Variants in SLC44A5 observed in about 807,000 individuals in gnomAD.
SLC44A5 encodes the protein choline transporter-like protein 5.
In SLC44A5, 57 loss-of-function variants were observed where a neutral mutation model predicts 101.8. The ratio of observed to expected loss-of-function variants is 0.56; its 90% CI spans 0.45 to 0.70. The LOEUF is 0.70. SLC44A5 is among the 30% of genes least tolerant of loss of function. The pLI, the probability that SLC44A5 is intolerant of heterozygous loss-of-function variation, is 0.00. For missense variants in SLC44A5, 737 were observed against 853.1 expected (o/e 0.86, Z 1.70); for synonymous variants, 281 against 290.9 (o/e 0.97, Z 0.35).
At chr1:75,219,148 A>G in intron 16 of SLC44A5, 109 bp downstream of exon 16, 1 of 778,778 alleles carries the variant, frequency 1.3e-6, no homozygotes, top group East Asian at 2.6e-5. Context: ...AGTTGTCCCC[A>G]TCAGTGTATA....
At chr1:75,520,730 A>G (rs998702559) in intron 2 of SLC44A5, among the ~76,000 whole-genome samples, 1 of 152,238 alleles carries the variant, frequency 6.6e-6, no homozygotes, top group Admixed American at 6.5e-5. Flanking sequence ...AAGTTAAAAT[A>G]GCATCATGAT....
chr1:75,598,229 A>G (rs908556997), intron 1 of SLC44A5, among the ~76,000 whole-genome samples: 1 of 151,984 alleles, frequency 6.6e-6, no homozygotes, highest in Admixed American at 6.6e-5. Context: ...TAAAAACTAC[A>G]ATCTCACACC....
At chr1:75,513,209 C>G in intron 2 of SLC44A5, among the ~76,000 whole-genome samples, 2 of 152,304 alleles carry the variant, frequency 1.3e-5, no homozygotes, top group South Asian at 4.2e-4. Context: ...CTTATACAGA[C>G]AGCCAACATT....
chr1:75,488,526 A>C (rs1668272973), intron 2 of SLC44A5, among the ~76,000 whole-genome samples: 1 of 152,196 alleles, frequency 6.6e-6, no homozygotes, highest in Non-Finnish European at 1.5e-5. Flanking sequence ...AAAATTAACA[A>C]AGTACTGAGT....
intron 3 of SLC44A5, among the ~76,000 whole-genome samples, chr1:75,387,248 G>A (rs1661426096): frequency 6.6e-6 from 1 of 151,890 alleles, no homozygotes; most frequent in South Asian, 2.1e-4. Context: ...CGCAGCAAAA[G>A]AAACTACCAT....
the SLC44A5 span, among the ~76,000 whole-genome samples, chr1:75,625,767 A>G: frequency 6.6e-6 from 1 of 152,044 alleles, no homozygotes; most frequent in Non-Finnish European, 1.5e-5. Context: ...TACCATCCTA[A>G]ATCTTCACCA....
chr1:75,409,738 A>G (rs946894006), intron 2 of SLC44A5, among the ~76,000 whole-genome samples: 1 of 152,128 alleles, frequency 6.6e-6, no homozygotes, highest in Non-Finnish European at 1.5e-5. Context: ...AATATACCCA[A>G]TGGTATCACT....
chr1:75,620,751 T>C, the SLC44A5 span, among the ~76,000 whole-genome samples: 44,671 of 152,102 alleles, frequency 0.29, 7,532 homozygotes, highest in East Asian at 0.82. Context: ...GATGGATAGA[T>C]AGCAAAAATT....
chr1:75,342,355 G>A lies in SLC44A5; in HGVS notation c.53-2725C>T, dbSNP rs936717096. ...CTTCTCTGAGCACTGCAATGCAATA[G>A]CCCTAGTGTATTTATTATGTCATTT... is the stretch of plus-strand genomic sequence containing the variant. On this transcript the variant is annotated intron_variant, in intron 3 of 23. Transcript: ENST00000370859. Among the ~76,000 whole-genome samples, 8 of 152,144 alleles carry A rather than the reference G, an allele frequency of 5.3e-5. No individual in the cohort carries two copies. In the South Asian group the frequency reaches 1.7e-3, roughly 31 times the overall value.
intron 12 of SLC44A5, among the ~76,000 whole-genome samples, chr1:75,228,324 TA>T (rs1647277111): frequency 6.6e-6 from 1 of 152,296 alleles, no homozygotes; most frequent in Non-Finnish European, 1.5e-5. Context: ...TTTTTATCCA[TA>T]ACATTGTCAT....
At chr1:75,212,795 G>A (rs76903426) in intron 22 of SLC44A5, among the ~76,000 whole-genome samples, 2 of 151,996 alleles carry the variant, frequency 1.3e-5, no homozygotes, top group Non-Finnish European at 2.9e-5. Context: ...AGAGGCAAAT[G>A]TGAGTAATGC....
chr1:75,679,779 A>T, the SLC44A5 span, among the ~76,000 whole-genome samples: 2 of 152,192 alleles, frequency 1.3e-5, no homozygotes, highest in East Asian at 1.9e-4. Context: ...CTTTAAATGT[A>T]AATGGACTAA....
chr1:75,616,276 C>A, the SLC44A5 span, among the ~76,000 whole-genome samples: 3 of 151,972 alleles, frequency 2.0e-5, no homozygotes, highest in African/African-American at 7.2e-5. Flanking sequence ...CCCGTCTGAG[C>A]CGCCAGCCCC....
intron 1 of SLC44A5, among the ~76,000 whole-genome samples, chr1:75,547,320 CA>C (rs1051886358): frequency 6.6e-6 from 1 of 152,154 alleles, no homozygotes; most frequent in African/African-American, 2.4e-5. Flanking sequence ...TATAGATGAG[CA>C]AACTTTCCAC....
At chr1:75,373,871 CA>C (rs1660392505) in intron 3 of SLC44A5, among the ~76,000 whole-genome samples, 1 of 152,142 alleles carries the variant, frequency 6.6e-6, no homozygotes, top group African/African-American at 2.4e-5. Flanking sequence ...CCCCAGGATT[CA>C]AGCACACTAC....
chr1:75,419,020 G>A (rs919984149), intron 2 of SLC44A5, among the ~76,000 whole-genome samples: 2 of 152,118 alleles, frequency 1.3e-5, no homozygotes, highest in Non-Finnish European at 2.9e-5. Flanking sequence ...AAGGCTCAGA[G>A]AAGGGAACCA....
intron 2 of SLC44A5, among the ~76,000 whole-genome samples, chr1:75,496,025 T>A (rs767051588): frequency 3.9e-5 from 6 of 152,206 alleles, no homozygotes; most frequent in Admixed American, 2.0e-4. Flanking sequence ...TGTTGTGTGA[T>A]CAAATACTAG....
intron 2 of SLC44A5, among the ~76,000 whole-genome samples, chr1:75,470,166 C>G (rs1444015176): frequency 6.6e-6 from 1 of 152,104 alleles, no homozygotes; most frequent in Non-Finnish European, 1.5e-5. Context: ...AGCTTTCAAA[C>G]CAATCAATCC....
At chr1:75,649,156 G>A in the SLC44A5 span, among the ~76,000 whole-genome samples, 32 of 152,070 alleles carry the variant, frequency 2.1e-4, no homozygotes, top group South Asian at 4.1e-4. Context: ...GTTGATTAAC[G>A]ACACAAAGGG....
Sources: gnomAD v4.1 joint callset for allele counts (sites outside exome capture counted in the v4.1 genomes callset) on GRCh38, gnomAD v4.1.1 for gene constraint, MANE v1.5 for transcripts, NCBI Gene and HGNC (gene_info 2026-07-23, HGNC 2026-07-21) for gene names.